Variants in FBN2 observed in about 807,000 individuals in gnomAD.
FBN2 encodes the protein fibrillin-2.
Under a neutral mutation model 355.6 loss-of-function variants are expected in FBN2, and 105 were observed. That is an observed-to-expected ratio of 0.30 (90% CI 0.25 to 0.35). FBN2 has a LOEUF of 0.35. Among genes scored for constraint, FBN2 ranks in the 10% least tolerant of loss-of-function variants. The pLI is 1.00. For synonymous variants in FBN2, 1,350 were observed against 1,301.2 expected (o/e 1.04, Z -0.81); for missense variants, 3,280 against 3,758.7 (o/e 0.87, Z 3.33).
chr5:128,414,617 A>G (rs369533886), intron 7 of FBN2, among the ~76,000 whole-genome samples: 88 of 152,242 alleles, frequency 5.8e-4, no homozygotes, highest in Middle Eastern at 6.8e-3. Context: ...TTGTGTAGAC[A>G]TATGTTTTCA....
rs566867297 is a variant in FBN2, at chr5:128,334,000, C to A, written c.4099+719G>T. Reference sequence around the variant, plus strand: ...GGACTCTTAAGTCTTCCACCACCTGCCTTGAAAAAATATCACACATAAGTC... The same window carrying A: ...GGACTCTTAAGTCTTCCACCACCTGACTTGAAAAAATATCACACATAAGTC... On this transcript the variant is annotated intron_variant, in intron 31 of 64. Transcript: ENST00000262464. Among the ~76,000 whole-genome samples the A allele has an allele frequency of 1.8e-4, 27 of 152,014 alleles. No homozygotes were observed. The South Asian group carries it at 3.8e-3, about 21-fold the overall frequency.
chr5:128,502,297 A>T (rs114445163), intron 5 of FBN2, among the ~76,000 whole-genome samples: 75,317 of 151,384 alleles, frequency 0.5, 21,948 homozygotes, highest in African/African-American at 0.82. Flanking sequence ...CAAAAAAAAA[A>T]AAATAATTAT....
In FBN2 at chr5:128,377,753, A is replaced by G; in HGVS notation, c.1848T>C (p.Val616=). ...CAAGGGAGCAGGCAATTTCCATACC[A>G]ACACAGTTTTTTCCATCTGTAGTTA... ...FELTTDGKNC[V]DHDECTTTNM... is the part of the protein sequence containing the mutation. The change falls in exon 13 of 65, where the codon GTT becomes GTC. Residue 616 remains valine (V), a splice_region_variant and synonymous_variant. Coordinates refer to ENST00000262464, the MANE Select transcript of FBN2 (RefSeq NM_001999.4). 1 of 1,613,500 alleles carries G rather than the reference A, an allele frequency of 6.2e-7. No homozygotes were observed. The highest frequency in any genetic ancestry group is 8.5e-7 in the Non-Finnish European group (1 of 1,179,584).
intron 5 of FBN2, among the ~76,000 whole-genome samples, chr5:128,472,353 T>G (rs974443221): frequency 1.3e-5 from 2 of 151,600 alleles, no homozygotes; most frequent in African/African-American, 4.9e-5. Context: ...TTGGCAGGGG[T>G]TTGGGGTGGG....
intron 5 of FBN2, among the ~76,000 whole-genome samples, chr5:128,482,985 C>T (rs1314924196): frequency 6.6e-6 from 1 of 152,098 alleles, no homozygotes; most frequent in African/African-American, 2.4e-5. Context: ...AAATATGGTA[C>T]ATATACATCA....
At chr5:128,299,977 C>G (rs551722869) in intron 48 of FBN2, among the ~76,000 whole-genome samples, 3 of 152,090 alleles carry the variant, frequency 2.0e-5, no homozygotes. Flanking sequence ...CTAGGGGATA[C>G]CCATGGTATC....
chr5:128,484,543 G>C (rs1406368803), intron 5 of FBN2, among the ~76,000 whole-genome samples: 1 of 152,194 alleles, frequency 6.6e-6, no homozygotes, highest in Non-Finnish European at 1.5e-5. Flanking sequence ...TGGTTGGTAA[G>C]TATGTGAAAA....
intron 5 of FBN2, among the ~76,000 whole-genome samples, chr5:128,478,706 T>C (rs1260369081): frequency 1.3e-5 from 2 of 152,178 alleles, no homozygotes; most frequent in Non-Finnish European, 2.9e-5. Context: ...CAAAATGTGG[T>C]CAATGGACTA....
Position 128,324,818 on chromosome 5 carries a change from G to C in FBN2, c.4471+3878C>G, listed in dbSNP as rs557537172. Among the ~76,000 whole-genome samples the C allele has an allele frequency of 1.4e-4, 22 of 151,906 alleles. No individual in the cohort carries two copies. In the South Asian group the frequency reaches 4.6e-3, roughly 32 times the overall value. ...GTATTTTTAGTAGAGATGGGGTTTT[G>C]CCATGTTAGCCAGTATGATCTTGAT... On this transcript the variant is annotated intron_variant, in intron 34 of 64. Coordinates refer to ENST00000262464, the MANE Select transcript of FBN2 (RefSeq NM_001999.4).
chr5:128,295,189 A>T (rs1457231599), intron 48 of FBN2, among the ~76,000 whole-genome samples: 1 of 147,604 alleles, frequency 6.8e-6, no homozygotes, highest in Non-Finnish European at 1.5e-5. Context: ...TGTTCCATTG[A>T]TCTATATCTC....
chr5:128,451,532 C>A (rs1410434324), intron 6 of FBN2, among the ~76,000 whole-genome samples: 1 of 152,112 alleles, frequency 6.6e-6, no homozygotes, highest in Admixed American at 6.5e-5. Flanking sequence ...TCCTGAGTAG[C>A]TGGGATTACA....
chr5:128,483,268 C>A (rs1411925441), intron 5 of FBN2, among the ~76,000 whole-genome samples: 1 of 152,072 alleles, frequency 6.6e-6, no homozygotes, highest in Admixed American at 6.5e-5. Flanking sequence ...TTGCAATATA[C>A]CCTGGTAACA....
At position 128,417,949 on chromosome 5, in the gene FBN2, C is replaced by G. The variant is rs562152334; in HGVS notation, c.953-9150G>C. Among the ~76,000 whole-genome samples the G allele has an allele frequency of 2.6e-5, 4 of 152,210 alleles. No individual in the cohort carries two copies. The South Asian group carries it at 8.3e-4, about 32-fold the overall frequency. On this transcript the variant is annotated intron_variant, in intron 7 of 64. Coordinates refer to ENST00000262464, the MANE Select transcript of FBN2 (RefSeq NM_001999.4). Reference sequence around the variant, plus strand: ...TGGTAGAATTTGGCAGTGAATACATCCAATCCTGGGCTTTTCTTTGTTGGG... The same window carrying G: ...TGGTAGAATTTGGCAGTGAATACATGCAATCCTGGGCTTTTCTTTGTTGGG...
chr5:128,512,004 T>C (rs1756142625), intron 5 of FBN2, among the ~76,000 whole-genome samples: 1 of 152,176 alleles, frequency 6.6e-6, no homozygotes, highest in Non-Finnish European at 1.5e-5. Flanking sequence ...CACTGACATT[T>C]ACAATAAAAA....
At chr5:128,268,941 G>C (rs1412121747) in intron 62 of FBN2, among the ~76,000 whole-genome samples, 2 of 152,156 alleles carry the variant, frequency 1.3e-5, no homozygotes, top group African/African-American at 4.8e-5. Context: ...GAAGCTGGAA[G>C]CATTCCCTTT....
chr5:128,274,100 A>C, intron 60 of FBN2, 132 bp from the exon 61 acceptor site: 4 of 938,950 alleles, frequency 4.3e-6, no homozygotes, highest in Non-Finnish European at 6.8e-6. Context: ...GAAAATTTAT[A>C]CCAAAATTCA....
At chr5:128,304,391 G>T (rs1026190577) in intron 45 of FBN2, among the ~76,000 whole-genome samples, 3 of 152,106 alleles carry the variant, frequency 2.0e-5, no homozygotes, top group African/African-American at 7.2e-5. Context: ...TTACCACTTG[G>T]CTACCCATTA....
chr5:128,348,010 C>T (rs932245011), intron 23 of FBN2, among the ~76,000 whole-genome samples: 1 of 152,136 alleles, frequency 6.6e-6, no homozygotes, highest in Non-Finnish European at 1.5e-5. Flanking sequence ...TGGTCTTGAA[C>T]TCCTGACCTC....
intron 23 of FBN2, among the ~76,000 whole-genome samples, chr5:128,346,867 T>C (rs908916525): frequency 1.3e-5 from 2 of 152,202 alleles, no homozygotes; most frequent in Non-Finnish European, 2.9e-5. Flanking sequence ...AAAATAACTG[T>C]GGTAAATGTT....
Sources: gnomAD v4.1 joint callset for allele counts (sites outside exome capture counted in the v4.1 genomes callset) on GRCh38, gnomAD v4.1.1 for gene constraint, MANE v1.5 for transcripts, NCBI Gene and HGNC (gene_info 2026-07-23, HGNC 2026-07-21) for gene names.